The following NLGN1 variants were observed in gnomAD, a reference collection of about 807,000 sequenced individuals.
NLGN1 encodes neuroligin 1.
NLGN1 carries 12 observed loss-of-function variants against 65.5 expected under a neutral mutation model. That is an observed-to-expected ratio of 0.18 (90% confidence interval 0.12 to 0.30). The LOEUF is 0.30. Ranked by LOEUF, NLGN1 falls within the 10% of genes least tolerant of loss-of-function variation. The probability of loss-of-function intolerance (pLI) is 1.00; values close to 1 mark genes in which losing one functional copy is unlikely to be tolerated. For synonymous variants in NLGN1, 350 were observed against 359.5 expected, an observed-to-expected ratio of 0.97 and a Z score of 0.30; for missense variants, 750 against 1,007.1, an observed-to-expected ratio of 0.74 and a Z score of 3.46.
intron 3 of NLGN1, among the ~76,000 whole-genome samples, chr3:173,804,791 C>G (rs1329972418): frequency 6.6e-6 from 1 of 151,982 alleles, no homozygotes; most frequent in Non-Finnish European, 1.5e-5. Context: ...CTTTGGGAGG[C>G]CGAGGAGGGC....
intron 3 of NLGN1, among the ~76,000 whole-genome samples, chr3:173,712,479 G>T (rs1287431480): frequency 1.3e-5 from 2 of 152,156 alleles, no homozygotes; most frequent in Non-Finnish European, 2.9e-5. Flanking sequence ...AGTCAAGGCT[G>T]CCTGGACTCA....
chr3:173,822,852 C>G (rs917523596), intron 4 of NLGN1, among the ~76,000 whole-genome samples: 5 of 151,928 alleles, frequency 3.3e-5, no homozygotes, highest in South Asian at 2.1e-4. Context: ...CTCTTATTCT[C>G]TTAAAAAAGA....
intron 4 of NLGN1, among the ~76,000 whole-genome samples, chr3:174,228,906 T>TA (rs1287326650): frequency 6.6e-6 from 1 of 152,136 alleles, no homozygotes; most frequent in Non-Finnish European, 1.5e-5. Context: ...GGAGAGTTTT[T>TA]ACCTTGTAAA....
At chr3:174,144,648 G>T (rs2152693422) in intron 4 of NLGN1, among the ~76,000 whole-genome samples, 1 of 152,230 alleles carries the variant, frequency 6.6e-6, no homozygotes, top group Admixed American at 6.5e-5. Flanking sequence ...GTTTTGATTT[G>T]CATTTCTCTA....
chr3:173,636,932 G>A (rs1192499649), intron 3 of NLGN1, among the ~76,000 whole-genome samples: 1 of 152,104 alleles, frequency 6.6e-6, no homozygotes, highest in Admixed American at 6.6e-5. Context: ...TTATAAGACA[G>A]TGCTATGCTT....
At chr3:173,678,234 T>A (rs1202838846) in intron 3 of NLGN1, among the ~76,000 whole-genome samples, 3 of 152,130 alleles carry the variant, frequency 2.0e-5, no homozygotes, top group African/African-American at 7.2e-5. Context: ...TTGCTGTTTA[T>A]CTGGATTTGT....
At chr3:173,728,297 T>G (rs1439670098) in intron 3 of NLGN1, among the ~76,000 whole-genome samples, 1 of 152,000 alleles carries the variant, frequency 6.6e-6, no homozygotes, top group African/African-American at 2.4e-5. Flanking sequence ...AAAAACAAAC[T>G]GGTAGAAGAT....
At chr3:174,212,270 G>C (rs1331034284) in intron 4 of NLGN1, among the ~76,000 whole-genome samples, 8 of 152,198 alleles carry the variant, frequency 5.3e-5, no homozygotes, top group African/African-American at 1.9e-4. Flanking sequence ...CTCTGAGTGC[G>C]GGGCCCTCCA....
intron 4 of NLGN1, among the ~76,000 whole-genome samples, chr3:173,906,897 A>AAAAT (rs1738531854): frequency 6.6e-6 from 1 of 150,440 alleles, no homozygotes; most frequent in Non-Finnish European, 1.5e-5. Flanking sequence ...AAAAAAAAAA[A>AAAAT]GAAAGGGAAG....
chr3:174,068,454 T>A (rs935152615), intron 4 of NLGN1, among the ~76,000 whole-genome samples: 5 of 151,426 alleles, frequency 3.3e-5, no homozygotes, highest in African/African-American at 1.2e-4. Context: ...AGGCTACTGC[T>A]ACTCAGAAAC....
chr3:173,538,041 T>G (rs2149209588), intron 2 of NLGN1, among the ~76,000 whole-genome samples: 1 of 152,266 alleles, frequency 6.6e-6, no homozygotes, highest in African/African-American at 2.4e-5. Context: ...TCCCTGAAAC[T>G]AAGACTTCTA....
At chr3:173,937,545 T>G (rs1203507588) in intron 4 of NLGN1, among the ~76,000 whole-genome samples, 2 of 152,106 alleles carry the variant, frequency 1.3e-5, no homozygotes, top group Non-Finnish European at 2.9e-5. Context: ...CTGAACTTTG[T>G]GAATTTTTAA....
At chr3:174,148,146 T>G (rs1317334923) in intron 4 of NLGN1, among the ~76,000 whole-genome samples, 1 of 152,192 alleles carries the variant, frequency 6.6e-6, no homozygotes, top group Non-Finnish European at 1.5e-5. Context: ...CCAATTTGAT[T>G]AAGGAGTATG....
intron 2 of NLGN1, among the ~76,000 whole-genome samples, chr3:173,591,782 A>G (rs1158762564): frequency 1.3e-5 from 2 of 152,180 alleles, no homozygotes; most frequent in South Asian, 2.1e-4. Context: ...AAATAAGCTT[A>G]AAGAATGAGT....
At chr3:173,635,972 A>G (rs1167183320) in intron 3 of NLGN1, among the ~76,000 whole-genome samples, 1 of 152,146 alleles carries the variant, frequency 6.6e-6, no homozygotes, top group Non-Finnish European at 1.5e-5. Flanking sequence ...GTGCAGTTCC[A>G]CAGCAGAAGA....
chr3:173,757,874 A>G (rs1487638018), intron 3 of NLGN1, among the ~76,000 whole-genome samples: 1 of 152,056 alleles, frequency 6.6e-6, no homozygotes, highest in Non-Finnish European at 1.5e-5. Context: ...ATTATTTCAA[A>G]CGAAGTAATA....
chr3:174,209,375 G>A (rs1312897239), intron 4 of NLGN1, among the ~76,000 whole-genome samples: 3 of 152,100 alleles, frequency 2.0e-5, no homozygotes, highest in Admixed American at 2.0e-4. Context: ...AGTGTATAGA[G>A]CATCACGAGG....
At chr3:173,474,361 G>T (rs1397160969) in intron 2 of NLGN1, among the ~76,000 whole-genome samples, 5 of 152,052 alleles carry the variant, frequency 3.3e-5, no homozygotes, top group Non-Finnish European at 4.4e-5. Context: ...TGGAAAAGTG[G>T]CAATTATTCT....
intron 3 of NLGN1, among the ~76,000 whole-genome samples, chr3:173,806,363 A>G (rs779512842): frequency 6.6e-6 from 1 of 152,110 alleles, no homozygotes; most frequent in African/African-American, 2.4e-5. Context: ...ATAAATTTGT[A>G]TTCTGTTAGT....
Sources: allele counts gnomAD v4.1 joint callset (sites outside exome capture counted in the v4.1 genomes callset), GRCh38; gene constraint gnomAD v4.1.1; transcripts MANE v1.5; gene names NCBI Gene and HGNC (gene_info 2026-07-23, HGNC 2026-07-21).